EPHB1: variants seen among roughly 807,000 people sequenced by gnomAD.
The protein encoded by EPHB1 is EPH receptor B1.
In EPHB1, 30 loss-of-function variants were observed where a neutral mutation model predicts 94.4. The ratio of observed to expected loss-of-function variants is 0.32; its 90% CI spans 0.24 to 0.43. EPHB1 has a LOEUF of 0.43. Ranked by LOEUF, EPHB1 falls within the 20% of genes least tolerant of loss-of-function variation. The probability of loss-of-function intolerance (pLI) is 1.00; values close to 1 mark genes in which losing one functional copy is unlikely to be tolerated. For synonymous variants in EPHB1, 522 were observed against 489.1 expected (o/e 1.07, Z -0.89); for missense variants, 1,055 against 1,308.3 (o/e 0.81, Z 2.99).
At chr3:135,165,290 G>A (rs183335822) in intron 7 of EPHB1, among the ~76,000 whole-genome samples, 4 of 152,296 alleles carry the variant, frequency 2.6e-5, no homozygotes, top group African/African-American at 7.2e-5. Context: ...GGACTAAATC[G>A]TGTGTCCAGT....
chr3:134,963,559 A>G (rs1159807380), intron 3 of EPHB1, among the ~76,000 whole-genome samples: 3 of 152,296 alleles, frequency 2.0e-5, no homozygotes, highest in Admixed American at 2.0e-4. Flanking sequence ...GCTCTGCCAA[A>G]TTCTTTTTCT....
chr3:134,795,757 G>T, intron 1 of EPHB1, 68 bp downstream of exon 1: 1 of 1,519,610 alleles, frequency 6.6e-7, no homozygotes, highest in Non-Finnish European at 9.1e-7. Flanking sequence ...GTGCTCCGCG[G>T]TTCGCGGGGT....
At chr3:135,205,310 A>G (rs1056605425) in intron 12 of EPHB1, among the ~76,000 whole-genome samples, 3 of 152,138 alleles carry the variant, frequency 2.0e-5, no homozygotes, top group African/African-American at 7.2e-5. Context: ...GATTTCTGAG[A>G]AACTTATAGA....
At chr3:134,847,563 A>G (rs140875978) in intron 1 of EPHB1, among the ~76,000 whole-genome samples, 2 of 152,312 alleles carry the variant, frequency 1.3e-5, no homozygotes, top group East Asian at 1.9e-4. Context: ...CCTGATTCCT[A>G]ATCAGCCTTG....
chr3:134,984,828 C>A (rs532373951), intron 3 of EPHB1, among the ~76,000 whole-genome samples: 1 of 151,838 alleles, frequency 6.6e-6, no homozygotes, highest in Non-Finnish European at 1.5e-5. Context: ...GAACTGAGTG[C>A]GGGGGCTAGG....
At chr3:134,880,333 G>A (rs998241957) in intron 1 of EPHB1, among the ~76,000 whole-genome samples, 3 of 152,192 alleles carry the variant, frequency 2.0e-5, no homozygotes, top group Non-Finnish European at 1.5e-5. Context: ...TTATAAAAAA[G>A]CTCCTGGGTC....
chr3:134,854,453 C>A (rs1348869380), intron 1 of EPHB1, among the ~76,000 whole-genome samples: 1 of 152,102 alleles, frequency 6.6e-6, no homozygotes, highest in African/African-American at 2.4e-5. Flanking sequence ...TATTGCACCG[C>A]ATTTTGGTGA....
At chr3:134,934,076 CTT>C (rs1162622410) in intron 2 of EPHB1, among the ~76,000 whole-genome samples, 1 of 151,904 alleles carries the variant, frequency 6.6e-6, no homozygotes, top group Non-Finnish European at 1.5e-5. Flanking sequence ...CCCACCCACT[CTT>C]TATCTTTTTC....
chr3:134,944,904 T>C (rs1368222459), intron 2 of EPHB1, among the ~76,000 whole-genome samples: 1 of 152,236 alleles, frequency 6.6e-6, no homozygotes, highest in Non-Finnish European at 1.5e-5. Flanking sequence ...AGAATTCTTA[T>C]CTCCTATGTC....
Position 134,850,232 on chromosome 3 carries a change from A to G in EPHB1, c.58+54543A>G, listed in dbSNP as rs148657793. On this transcript the variant is annotated intron_variant, in intron 1 of 15. Transcript: ENST00000398015. ...TCTTTTCCTTGATCATAAAATTGCC[A>G]AGGAACAATAGCTGTCATTTAAAAC... 8.4e-3 allele frequency among the ~76,000 whole-genome samples: 1,277 copies of G among 152,312 alleles called. 19 individuals carry two copies. Among genetic ancestry groups the G allele is most frequent in the African/African-American group, 0.029 (1,219 of 41,566 alleles).
At chr3:135,217,598 G>C (rs561030258) in intron 12 of EPHB1, among the ~76,000 whole-genome samples, 1 of 152,088 alleles carries the variant, frequency 6.6e-6, no homozygotes, top group Admixed American at 6.5e-5. Context: ...AATCACCCAG[G>C]GCTACCCAGA....
intron 3 of EPHB1, among the ~76,000 whole-genome samples, chr3:135,105,477 G>A (rs1939180216): frequency 6.6e-6 from 1 of 152,164 alleles, no homozygotes. Context: ...AGGGCCTTGG[G>A]GAAGTAGGGT....
At chr3:134,852,137 G>C (rs2036998721) in intron 1 of EPHB1, among the ~76,000 whole-genome samples, 1 of 152,164 alleles carries the variant, frequency 6.6e-6, no homozygotes, top group African/African-American at 2.4e-5. Context: ...CACAACAGGA[G>C]AGTCCATGGC....
At chr3:135,052,240 G>C (rs180966225) in intron 3 of EPHB1, among the ~76,000 whole-genome samples, 1 of 152,294 alleles carries the variant, frequency 6.6e-6, no homozygotes, top group Admixed American at 6.5e-5. Flanking sequence ...GAATGAACTT[G>C]ATGGAACAGT....
chr3:134,857,377 G>A (rs1379366877), intron 1 of EPHB1, among the ~76,000 whole-genome samples: 1 of 152,104 alleles, frequency 6.6e-6, no homozygotes, highest in East Asian at 1.9e-4. Context: ...CACACTTGCA[G>A]GTCTTGGTTC....
intron 4 of EPHB1, among the ~76,000 whole-genome samples, chr3:135,123,362 C>T (rs541652922): frequency 1.3e-5 from 2 of 152,124 alleles, no homozygotes; most frequent in Non-Finnish European, 2.9e-5. Context: ...TTCAAATTTC[C>T]ATGTTGACCT....
At chr3:134,884,892 T>C (rs1433544556) in intron 1 of EPHB1, among the ~76,000 whole-genome samples, 1 of 152,240 alleles carries the variant, frequency 6.6e-6, no homozygotes, top group Non-Finnish European at 1.5e-5. Context: ...CAAGCATTTA[T>C]TGAGTGTGTA....
chr3:134,804,973 C>A (rs980363670), intron 1 of EPHB1, among the ~76,000 whole-genome samples: 1 of 152,188 alleles, frequency 6.6e-6, no homozygotes, highest in Non-Finnish European at 1.5e-5. Context: ...AGAGAGAATA[C>A]CTTATCTGTG....
intron 1 of EPHB1, among the ~76,000 whole-genome samples, chr3:134,872,960 C>T (rs1210376319): frequency 2.6e-5 from 4 of 152,130 alleles, no homozygotes; most frequent in Non-Finnish European, 2.9e-5. Context: ...TAGACAGGGA[C>T]GGGGATGGAC....
Sources: gnomAD v4.1 joint callset for allele counts (sites outside exome capture counted in the v4.1 genomes callset) on GRCh38, gnomAD v4.1.1 for gene constraint, MANE v1.5 for transcripts, NCBI Gene and HGNC (gene_info 2026-07-23, HGNC 2026-07-21) for gene names.